The following TBC1D4 variants were observed in gnomAD, a reference collection of about 807,000 sequenced individuals.
TBC1D4 encodes TBC1 domain family member 4.
In TBC1D4, 121 loss-of-function variants were observed where a neutral mutation model predicts 142.5. The observed-to-expected ratio is 0.85, with a 90% CI of 0.73 to 0.99. The LOEUF (loss-of-function observed/expected upper bound fraction) is 0.99. Among genes scored for constraint, TBC1D4 ranks in the 50% least tolerant of loss-of-function variants. The probability of loss-of-function intolerance (pLI) is 0.00; values close to 1 mark genes in which losing one functional copy is unlikely to be tolerated. For synonymous variants in TBC1D4, 630 were observed against 628.2 expected (o/e 1.00, Z -0.04); for missense variants, 1,475 against 1,606.6 (o/e 0.92, Z 1.40).
Position 75,411,790 on chromosome 13 carries a change from G to A in TBC1D4, c.499-49183C>T, listed in dbSNP as rs150845910. On this transcript the variant is annotated intron_variant, in intron 1 of 20. Transcript: ENST00000377636. ...TGGCCTCAGGTGATCCACCCGCCTC[G>A]GCCTCCCAAAGTGCTGGGATTACAG... Among the ~76,000 whole-genome samples, 624 of 151,782 alleles carry A rather than the reference G, an allele frequency of 4.1e-3. 4 individuals are homozygous for A. The highest frequency in any genetic ancestry group is 0.014 in the African/African-American group (590 of 41,310).
chr13:75,480,430 T>C lies in TBC1D4; in HGVS notation c.498+840A>G, dbSNP rs117910694. 1.2e-3 allele frequency among the ~76,000 whole-genome samples: 184 copies of C among 152,258 alleles called. 1 individual carries two copies. In the East Asian group the frequency reaches 0.03, roughly 25 times the overall value. On this transcript the variant is annotated intron_variant, in intron 1 of 20. Coordinates refer to ENST00000377636, the MANE Select transcript of TBC1D4 (RefSeq NM_014832.5). ...ACTCTGTTTTCAAAGACACAATCAC[T>C]GCATAGTCAAGTTCTCCTCTCCCTG...
intron 15 of TBC1D4, among the ~76,000 whole-genome samples, chr13:75,305,374 A>G (rs568755330): frequency 6.6e-6 from 1 of 152,322 alleles, no homozygotes; most frequent in South Asian, 2.1e-4. Context: ...GAAGATAAGC[A>G]CTCCTAAAAT....
Position 75,435,327 on chromosome 13 carries a change from CA to C in TBC1D4, c.498+45942del, listed in dbSNP as rs34114903. Among the ~76,000 whole-genome samples the C allele has an allele frequency of 2.4e-3, 292 of 122,084 alleles. 2 individuals carry two copies. The East Asian group carries it at 0.047, about 20-fold the overall frequency. 80.1% of individuals were successfully genotyped at this position (122,084 alleles called of 152,430 possible). On this transcript the variant is annotated intron_variant, in intron 1 of 20. Transcript: ENST00000377636. ...TGGGAGACAGAGGGAGATTCTGTCTCAAAAAAAAAAAAATACATAATTACGA... is the reference window on the plus strand; with the variant it reads ...TGGGAGACAGAGGGAGATTCTGTCTCAAAAAAAAAAAATACATAATTACGA...
rs550990035 is a variant in TBC1D4, at chr13:75,456,250, A to G, written c.498+25020T>C. Reference sequence around the variant, plus strand: ...TGAGCTAACAGAAACCTGAGCATCCAAAGACCTCAGGTGTTTGGGATAAGC... The same window carrying G: ...TGAGCTAACAGAAACCTGAGCATCCGAAGACCTCAGGTGTTTGGGATAAGC... On this transcript the variant is annotated intron_variant, in intron 1 of 20. Transcript: ENST00000377636. Among the ~76,000 whole-genome samples, 72 of 152,346 alleles carry G rather than the reference A, an allele frequency of 4.7e-4. No individual in the cohort carries two copies. In the South Asian group the frequency reaches 0.014, roughly 31 times the overall value.
chr13:75,360,206 C>G (rs894100225), intron 2 of TBC1D4, among the ~76,000 whole-genome samples: 2 of 152,128 alleles, frequency 1.3e-5, no homozygotes, highest in African/African-American at 4.8e-5. Context: ...AAGTTATAAT[C>G]ATACTTTCTT....
intron 1 of TBC1D4, among the ~76,000 whole-genome samples, chr13:75,375,173 T>A (rs1406055336): frequency 6.6e-6 from 1 of 152,124 alleles, no homozygotes; most frequent in Non-Finnish European, 1.5e-5. Context: ...CAGAGAGCAG[T>A]CTGCAGTAAC....
intron 1 of TBC1D4, among the ~76,000 whole-genome samples, chr13:75,418,153 T>G (rs1283083997): frequency 2.6e-5 from 4 of 152,250 alleles, no homozygotes; most frequent in Admixed American, 2.0e-4. Flanking sequence ...AATCACCTAG[T>G]GTGATTCATT....
At chr13:75,342,725 C>T (rs1237059299) in intron 5 of TBC1D4, among the ~76,000 whole-genome samples, 3 of 151,876 alleles carry the variant, frequency 2.0e-5, no homozygotes, top group Admixed American at 6.6e-5. Context: ...ACAGATTTCT[C>T]TTTCTTCAAA....
intron 1 of TBC1D4, among the ~76,000 whole-genome samples, chr13:75,384,319 C>T (rs943294941): frequency 1.3e-5 from 2 of 152,014 alleles, no homozygotes; most frequent in African/African-American, 2.4e-5. Context: ...GTCTGTAGTC[C>T]CAGCTACTTG....
At position 75,324,307 on chromosome 13, in the gene TBC1D4, C is replaced by A. The variant is rs752787212; in HGVS notation, c.2128G>T (p.Ala710Ser). The A allele has an allele frequency of 2.2e-5, 36 of 1,613,756 alleles. No individual in the cohort carries two copies. In the East Asian group the frequency reaches 7.4e-4, roughly 33 times the overall value. The change falls in exon 11 of 21, where the codon GCC (alanine) becomes TCC (serine). Residue 710 changes from alanine to serine, a missense_variant. Transcript: ENST00000377636. ...HTSFSAPSFT[A>S]PSFLKSFYQN... ...TAAAAGCTTTTCAGGAAAGAGGGGGCAGTGAAGGAAGGGGCAGAGAAGGAA... is the reference window on the plus strand; with the variant it reads ...TAAAAGCTTTTCAGGAAAGAGGGGGAAGTGAAGGAAGGGGCAGAGAAGGAA...
intron 18 of TBC1D4, among the ~76,000 whole-genome samples, chr13:75,293,199 C>CT (rs1875526199): frequency 6.6e-6 from 1 of 152,066 alleles, no homozygotes; most frequent in Non-Finnish European, 1.5e-5. Flanking sequence ...GTACTTAGTA[C>CT]TTTTTTATGA....
intron 1 of TBC1D4, among the ~76,000 whole-genome samples, chr13:75,397,221 G>A (rs1884841185): frequency 6.6e-6 from 1 of 152,168 alleles, no homozygotes; most frequent in Non-Finnish European, 1.5e-5. Flanking sequence ...TCATGGCACA[G>A]TGACTCTTTA....
chr13:75,367,847 T>C lies in TBC1D4; in HGVS notation c.499-5240A>G, dbSNP rs558286237. On this transcript the variant is annotated intron_variant, in intron 1 of 20. Transcript: ENST00000377636. ...GGTCATTTAATGTTATAATTTTTAA[T>C]TGAGCTTTTTAAAACTTCATCTTCA... Among the ~76,000 whole-genome samples, 6 of 152,330 alleles carry C rather than the reference T, an allele frequency of 3.9e-5. No individual in the cohort carries two copies. In the South Asian group the frequency reaches 6.2e-4, roughly 16 times the overall value.
Position 75,286,729 on chromosome 13 carries a change from T to A in TBC1D4, c.*63A>T, listed in dbSNP as rs1874708466. 18 of 1,526,202 alleles carry A rather than the reference T, an allele frequency of 1.2e-5. No homozygotes were observed. Among genetic ancestry groups the A allele is most frequent in the Non-Finnish European group, 1.6e-5 (18 of 1,113,978 alleles). The allele number at this position is 1,526,202 out of a possible 1,614,324, so 94.5% of individuals were successfully genotyped here. Reference sequence around the variant, plus strand: ...AGGGTCCAGCCTTGGGCCAGCGACATGCAGGCTCTTCCTCTCTGTAGTATT... The same window carrying A: ...AGGGTCCAGCCTTGGGCCAGCGACAAGCAGGCTCTTCCTCTCTGTAGTATT... On this transcript the variant is annotated 3_prime_UTR_variant, in exon 21 of 21. Coordinates refer to ENST00000377636, the MANE Select transcript of TBC1D4 (RefSeq NM_014832.5).
rs559798676 is a variant in TBC1D4 at position 75,311,456 on chromosome 13, T to A, written c.2383+1282A>T. ...ATATATATTCATTGACCTCTGCCTTTACTTTTATTATTTACTTCCATACGT... is the reference window on the plus strand; with the variant it reads ...ATATATATTCATTGACCTCTGCCTTAACTTTTATTATTTACTTCCATACGT... On this transcript the variant is annotated intron_variant, in intron 13 of 20. Transcript: ENST00000377636. Among the ~76,000 whole-genome samples, 14 of 152,334 alleles carry A rather than the reference T, an allele frequency of 9.2e-5. No individual in the cohort carries two copies. The South Asian group carries it at 2.5e-3, about 27-fold the overall frequency.
At chr13:75,331,035 T>C (rs1436789307) in intron 8 of TBC1D4, among the ~76,000 whole-genome samples, 1 of 152,200 alleles carries the variant, frequency 6.6e-6, no homozygotes, top group African/African-American at 2.4e-5. Flanking sequence ...ATTTTACTCA[T>C]AGTGGTGTTT....
chr13:75,329,088 T>G (rs1879521471), intron 8 of TBC1D4, among the ~76,000 whole-genome samples: 1 of 152,114 alleles, frequency 6.6e-6, no homozygotes, highest in Admixed American at 6.6e-5. Context: ...TCTTACCTCA[T>G]TATATACCCA....
At chr13:75,300,026 T>C (rs1457389167) in intron 16 of TBC1D4, among the ~76,000 whole-genome samples, 2 of 152,158 alleles carry the variant, frequency 1.3e-5, no homozygotes, top group African/African-American at 2.4e-5. Context: ...CTTCATAGTC[T>C]ATAAACAGGT....
intron 2 of TBC1D4, 54 bp downstream of exon 2, chr13:75,361,972 A>C: frequency 6.3e-7 from 1 of 1,597,102 alleles, no homozygotes; most frequent in African/African-American, 1.3e-5. Context: ...ATGCCCAGCT[A>C]CTTCCATCTG....
Sources: allele counts gnomAD v4.1 joint callset (sites outside exome capture counted in the v4.1 genomes callset), GRCh38; gene constraint gnomAD v4.1.1; transcripts MANE v1.5; gene names NCBI Gene and HGNC (gene_info 2026-07-23, HGNC 2026-07-21).